PTPRN2: variants seen among roughly 807,000 people sequenced by gnomAD.
PTPRN2 encodes the protein receptor-type tyrosine-protein phosphatase N2.
A neutral mutation model predicts 118.8 loss-of-function variants in PTPRN2; 74 were observed. The ratio of observed to expected loss-of-function variants is 0.62; its 90% CI spans 0.52 to 0.76. The LOEUF (loss-of-function observed/expected upper bound fraction) is 0.76. Ranked by LOEUF, PTPRN2 falls within the 30% of genes least tolerant of loss-of-function variation. The probability of loss-of-function intolerance (pLI) is 0.00; values close to 1 mark genes in which losing one functional copy is unlikely to be tolerated. For synonymous variants in PTPRN2, 641 were observed against 608.0 expected, an observed-to-expected ratio of 1.05 and a Z score of -0.80; for missense variants, 1,481 against 1,394.4, an observed-to-expected ratio of 1.06 and a Z score of -0.99.
intron 2 of PTPRN2, among the ~76,000 whole-genome samples, chr7:158,475,298 TC>T (rs1820170079): frequency 7.1e-6 from 1 of 141,726 alleles, no homozygotes; most frequent in Admixed American, 6.8e-5. Flanking sequence ...CCCTGAGGAC[TC>T]CCCAGCTCCC....
intron 3 of PTPRN2, among the ~76,000 whole-genome samples, chr7:158,243,742 G>A (rs7811307): frequency 0.79 from 120,540 of 152,014 alleles, 48,064 homozygotes; most frequent in African/African-American, 0.86. Flanking sequence ...CTTAGTACTA[G>A]GTACCTCCTG....
chr7:158,505,716 C>A (rs961491114), intron 1 of PTPRN2, among the ~76,000 whole-genome samples: 1 of 129,550 alleles, frequency 7.7e-6, no homozygotes, highest in Non-Finnish European at 1.7e-5. Flanking sequence ...AACGGAGGAG[C>A]CGGGGTGGGA....
At chr7:158,087,856 T>G (rs201958306) in intron 10 of PTPRN2, among the ~76,000 whole-genome samples, 818 of 26,674 alleles carry the variant, frequency 0.031, 52 homozygotes, top group Middle Eastern at 0.5. Flanking sequence ...CTTCCCCTGA[T>G]GAAGGAGGGA....
At chr7:158,585,225 T>G (rs990136267) in intron 1 of PTPRN2, among the ~76,000 whole-genome samples, 3 of 152,180 alleles carry the variant, frequency 2.0e-5, no homozygotes, top group Non-Finnish European at 4.4e-5. Flanking sequence ...TCTGACAAAA[T>G]GGCAGCAACA....
At position 157,874,830 on chromosome 7, in the gene PTPRN2, G is replaced by A. The variant is rs1795629390; in HGVS notation, c.1788+23843C>T. 7.1e-6 allele frequency among the ~76,000 whole-genome samples: 1 copy of A among 141,056 alleles called. No individual in the cohort carries two copies. The allele number at this position is 141,056 out of a possible 152,430, so 92.5% of individuals were successfully genotyped here. A position where few individuals can be genotyped will look rare whatever the true frequency, so the allele number is the denominator to read the frequency against. ...AGACACACTCATGGACACACACAGA[G>A]ACACACTCATGCACATATACACACG... On this transcript the variant is annotated intron_variant, in intron 12 of 22. Coordinates refer to ENST00000389418, the MANE Select transcript of PTPRN2 (RefSeq NM_002847.5). This position sits in a 1 kb window ranked among gnomAD's most constrained non-coding sequence, Gnocchi z 5.8.
At chr7:158,388,999 AT>A (rs1811717883) in intron 2 of PTPRN2, among the ~76,000 whole-genome samples, 1 of 152,244 alleles carries the variant, frequency 6.6e-6, no homozygotes, top group Non-Finnish European at 1.5e-5. Context: ...CGGACTGGCG[AT>A]TAGAACCTAC....
At chr7:158,124,506 T>C (rs542214918) in intron 9 of PTPRN2, among the ~76,000 whole-genome samples, 13 of 152,348 alleles carry the variant, frequency 8.5e-5, no homozygotes, top group Non-Finnish European at 1.6e-4. Context: ...AATAGCCAAA[T>C]GTGTGATTAT....
At chr7:158,188,528 C>T (rs1254659753) in intron 5 of PTPRN2, among the ~76,000 whole-genome samples, 1 of 73,156 alleles carries the variant, frequency 1.4e-5, no homozygotes, top group South Asian at 5.3e-4. Flanking sequence ...CCGCCACGCT[C>T]GCCGCCTGAT....
intron 2 of PTPRN2, among the ~76,000 whole-genome samples, chr7:158,403,305 C>A (rs565792896): frequency 6.6e-6 from 1 of 152,176 alleles, no homozygotes; most frequent in East Asian, 1.9e-4. Context: ...CAGGCCCTGC[C>A]GTACTGATGT....
intron 9 of PTPRN2, among the ~76,000 whole-genome samples, chr7:158,123,676 C>T (rs1817367444): frequency 6.6e-6 from 1 of 152,200 alleles, no homozygotes; most frequent in Non-Finnish European, 1.5e-5. Context: ...ATTCTGACAA[C>T]TTATTTTTTG....
chr7:158,475,245 C>T (rs898978164), intron 2 of PTPRN2, among the ~76,000 whole-genome samples: 1 of 150,314 alleles, frequency 6.7e-6, no homozygotes, highest in Non-Finnish European at 1.5e-5. Context: ...CGAAGGGCCC[C>T]GAGGACTCCC....
chr7:158,177,676 GACTC>G (rs1361251836), intron 5 of PTPRN2, among the ~76,000 whole-genome samples: 6 of 152,190 alleles, frequency 3.9e-5, no homozygotes, highest in Non-Finnish European at 7.3e-5. Context: ...ACAGAAATGA[GACTC>G]ACTGTGCTGT....
chr7:158,348,108 G>C (rs549513069), intron 2 of PTPRN2, among the ~76,000 whole-genome samples: 14 of 152,154 alleles, frequency 9.2e-5, no homozygotes, highest in Non-Finnish European at 1.9e-4. Flanking sequence ...TCTGGTGGAA[G>C]ATTCTCTCTT....
Position 158,192,480 on chromosome 7 carries a change from G to A in PTPRN2, c.396C>T (p.Ser132=), listed in dbSNP as rs746020310. 12 of 1,583,770 alleles carry A rather than the reference G, an allele frequency of 7.6e-6. No individual in the cohort carries two copies. The highest frequency in any genetic ancestry group is 2.7e-5 in the African/African-American group (2 of 72,806). Residue 132 remains serine (S), a synonymous_variant, in exon 5 of 23, where the codon AGC becomes AGT. Coordinates refer to ENST00000389418, the MANE Select transcript of PTPRN2 (RefSeq NM_002847.5). ...GACTGTACCTCCTCTCGCTGCCAAC[G>A]CTGTGTTTTGAGGGCCTGAAAAAGC... ...ASSPARPSKH[S]VGSERRYSRE... is the part of the protein sequence containing the mutation.
rs1827776878 is a variant in PTPRN2, at chr7:158,213,792, T to G, written c.278-8519A>C. Among the ~76,000 whole-genome samples the G allele has an allele frequency of 2.6e-5, 4 of 152,282 alleles. No individual in the cohort carries two copies. The South Asian group carries it at 8.3e-4, about 32-fold the overall frequency. ...TTAACCACGCCATTCCTAAAAGGGA[T>G]TCTCTTAATATTAATATTTATCAGG... is the stretch of plus-strand genomic sequence containing the variant. On this transcript the variant is annotated intron_variant, in intron 3 of 22. Coordinates refer to ENST00000389418, the MANE Select transcript of PTPRN2 (RefSeq NM_002847.5).
At position 157,930,319 on chromosome 7, in the gene PTPRN2, T is replaced by C. The variant is rs114993394; in HGVS notation, c.1724-31582A>G. On this transcript the variant is annotated intron_variant, in intron 11 of 22. Transcript: ENST00000389418. Reference sequence around the variant, plus strand: ...GAAAGTCTGGTTCACTCTTATTTTATCACAAACGTTGCATAATAAAACATT... The same window carrying C: ...GAAAGTCTGGTTCACTCTTATTTTACCACAAACGTTGCATAATAAAACATT... 3.6e-3 allele frequency among the ~76,000 whole-genome samples: 545 copies of C among 152,330 alleles called. 3 individuals are homozygous for C. The highest frequency in any genetic ancestry group is 0.012 in the African/African-American group (512 of 41,574).
rs1425269233 is a variant in PTPRN2 at position 157,587,732 on chromosome 7, T to C, written c.2496+7506A>G. ...GGGGCCAGGAGAGCTGTTTCGTGTC[T>C]GACTCTGTCCTGAAAGGCAGCCTGT... On this transcript the variant is annotated intron_variant, in intron 17 of 22. Transcript: ENST00000389418. The surrounding 1 kb of genome is among the most constrained non-coding windows in gnomAD (Gnocchi z 5.3). Among the ~76,000 whole-genome samples, 1 of 152,252 alleles carries C rather than the reference T, an allele frequency of 6.6e-6. No homozygotes were observed. The highest frequency in any genetic ancestry group is 1.9e-4 in the East Asian group (1 of 5,198).
intron 11 of PTPRN2, among the ~76,000 whole-genome samples, chr7:157,917,186 C>T (rs879386515): frequency 3.3e-4 from 51 of 152,380 alleles, no homozygotes; most frequent in Admixed American, 6.5e-4. Flanking sequence ...GACAGGCTGC[C>T]GCAGCTGGGG....
intron 1 of PTPRN2, among the ~76,000 whole-genome samples, chr7:158,497,430 G>A (rs558648125): frequency 4.1e-4 from 62 of 151,788 alleles, no homozygotes; most frequent in African/African-American, 9.9e-4. Flanking sequence ...CCAGCCCAGC[G>A]TTTTGGGGAC....
Sources: allele counts gnomAD v4.1 joint callset (sites outside exome capture counted in the v4.1 genomes callset), GRCh38; gene constraint gnomAD v4.1.1; non-coding constraint Gnocchi (gnomAD v3.1); transcripts MANE v1.5; gene names NCBI Gene and HGNC (gene_info 2026-07-23, HGNC 2026-07-21).